ZYX: variants seen among roughly 807,000 people sequenced by gnomAD.
ZYX encodes zyxin-2.
Under a neutral mutation model 58.1 loss-of-function variants are expected in ZYX, and 37 were observed. The observed-to-expected ratio is 0.64, with a 90% confidence interval of 0.49 to 0.84. The LOEUF (loss-of-function observed/expected upper bound fraction) is 0.84. Ranked by LOEUF, ZYX falls within the 40% of genes least tolerant of loss-of-function variation. The pLI, the probability that ZYX is intolerant of heterozygous loss-of-function variation, is 0.00. For missense variants in ZYX, 762 were observed against 761.6 expected, an observed-to-expected ratio of 1.00 and a Z score of -0.01; for synonymous variants, 324 against 321.1, an observed-to-expected ratio of 1.01 and a Z score of -0.10.
In ZYX at chr7:143,389,996, C is replaced by T. The variant is rs777291085; in HGVS notation, c.1614+19C>T. ...GTGTGAGGTCAGCCATCCCTCTGGA[C>T]TCCTTGGGCAGGTTCTGACCAGGAG... is the stretch of plus-strand genomic sequence containing the variant. On this transcript the variant is annotated intron_variant, in intron 9 of 9. Transcript: ENST00000322764. This position sits in a 1 kb window ranked among gnomAD's most constrained non-coding sequence, Gnocchi z 5.6. The T allele has an allele frequency of 5.0e-6, 8 of 1,613,368 alleles. No individual in the cohort carries two copies. The African/African-American group carries it at 8.0e-5, about 16-fold the overall frequency.
Position 143,389,028 on chromosome 7 carries a change from GC to G in ZYX, c.1493+87del. 2.7e-6 allele frequency: 4 copies of G among 1,473,530 alleles called. No individual in the cohort carries two copies. The highest frequency in any genetic ancestry group is 2.7e-6 in the Non-Finnish European group (3 of 1,096,256). The allele number at this position is 1,473,530 out of a possible 1,614,324, so 91.3% of individuals were successfully genotyped here. On this transcript the variant is annotated intron_variant, in intron 8 of 9. Coordinates refer to ENST00000322764, the MANE Select transcript of ZYX (RefSeq NM_003461.5). This position sits in a 1 kb window ranked among gnomAD's most constrained non-coding sequence, Gnocchi z 5.6. ...TGCTTGCTACCCTAGCCTCAGGACA[GC>G]CCCAAACCCCTGGTGGTGTTTTCTG...
rs766296316 is a variant in ZYX, at chr7:143,388,918, G to A, written c.1466G>A (p.Arg489Gln). 39 of 1,611,872 alleles carry A rather than the reference G, an allele frequency of 2.4e-5. No homozygotes were observed. The highest frequency in any genetic ancestry group is 3.1e-5 in the Non-Finnish European group (36 of 1,179,566). Residue 489 changes from arginine to glutamine, a missense_variant, in exon 8 of 10, where the codon CGG (arginine) becomes CAG (glutamine). Transcript: ENST00000322764. This position sits in a 1 kb window ranked among gnomAD's most constrained non-coding sequence, Gnocchi z 7.5. Reference sequence around the variant, plus strand: ...TCCTTCATCGTGGACCAGGCCAACCGGCCCCACTGTGTCCCCGACTACCAC... The same window carrying A: ...TCCTTCATCGTGGACCAGGCCAACCAGCCCCACTGTGTCCCCGACTACCAC... ...GTSFIVDQAN[R>Q]PHCVPDYHKQ... is the part of the protein sequence containing the mutation.
rs1804991876 is a variant in ZYX, at chr7:143,389,468, A to G, written c.1494-389A>G. 6.6e-6 allele frequency among the ~76,000 whole-genome samples: 1 copy of G among 152,160 alleles called. No individual in the cohort carries two copies. The highest frequency in any genetic ancestry group is 2.1e-4 in the South Asian group (1 of 4,832). On this transcript the variant is annotated intron_variant, in intron 8 of 9. Transcript: ENST00000322764. This position sits in a 1 kb window ranked among gnomAD's most constrained non-coding sequence, Gnocchi z 5.6. ...TTCACATCCCTCCACAGTGCCAGAC[A>G]GTCAGGGCAGAGGCAACGTGCATGG...
Position 143,390,961 on chromosome 7 carries a change from C to T in ZYX, c.*279C>T, listed in dbSNP as rs1479144387. On this transcript the variant is annotated 3_prime_UTR_variant, in exon 10 of 10. Coordinates refer to ENST00000322764, the MANE Select transcript of ZYX (RefSeq NM_003461.5). This position sits in a 1 kb window ranked among gnomAD's most constrained non-coding sequence, Gnocchi z 4.3. Reference sequence around the variant, plus strand: ...ACCAGGTTTAGTGCTGCTGCTTTCACTGCTGCACCCGCGCCCTCGGCCGGC... The same window carrying T: ...ACCAGGTTTAGTGCTGCTGCTTTCATTGCTGCACCCGCGCCCTCGGCCGGC... 4 of 459,634 alleles carry T rather than the reference C, an allele frequency of 8.7e-6. No homozygotes were observed. The highest frequency in any genetic ancestry group is 1.6e-5 in the Non-Finnish European group (4 of 252,034). 28.5% of individuals were successfully genotyped at this position (459,634 alleles called of 1,614,324 possible). A position where few individuals can be genotyped will look rare whatever the true frequency, so the allele number is the denominator to read the frequency against.
Position 143,388,980 on chromosome 7 carries a change from C to T in ZYX, c.1493+35C>T, listed in dbSNP as rs531108920. 107 of 1,583,224 alleles carry T rather than the reference C, an allele frequency of 6.8e-5. 1 individual carries two copies. The South Asian group carries it at 1.1e-3, about 17-fold the overall frequency. On this transcript the variant is annotated intron_variant, in intron 8 of 9. Coordinates refer to ENST00000322764, the MANE Select transcript of ZYX (RefSeq NM_003461.5). This position sits in a 1 kb window ranked among gnomAD's most constrained non-coding sequence, Gnocchi z 7.5. ...TGCCACCTGCCTTCTGGGTTCCCGGCGTGCTTGGTCTGGTAGCCCGGCTGC... is the reference window on the plus strand; with the variant it reads ...TGCCACCTGCCTTCTGGGTTCCCGGTGTGCTTGGTCTGGTAGCCCGGCTGC...
chr7:143,381,853 A>G (rs1586560210), intron 2 of ZYX, 74 bp downstream of exon 2: 1 of 1,382,650 alleles, frequency 7.2e-7, no homozygotes, highest in African/African-American at 1.5e-5. Context: ...GAATTTGGGG[A>G]TGTCTGGAAA....
rs781638797 is a variant in ZYX at position 143,382,683 on chromosome 7, C to T, written c.499C>T (p.Arg167Trp). The T allele has an allele frequency of 4.3e-6, 7 of 1,613,944 alleles. No homozygotes were observed. The highest frequency in any genetic ancestry group is 3.3e-5 in the Admixed American group (2 of 59,988). The change falls in exon 4 of 10, where the codon CGG becomes TGG. Residue 167 changes from arginine to tryptophan, a missense_variant and splice_region_variant. By Grantham distance (101) the Arg-to-Trp change is moderately radical. Coordinates refer to ENST00000322764, the MANE Select transcript of ZYX (RefSeq NM_003461.5). ...DMTKNDPFKARVSSGYVPPPV... is the reference protein window; with the variant it reads ...DMTKNDPFKAWVSSGYVPPPV... ...GACCAAGAATGATCCTTTCAAAGCCCGGGTAAGGGACCGGAGAGTAGGAAA... is the reference window on the plus strand; with the variant it reads ...GACCAAGAATGATCCTTTCAAAGCCTGGGTAAGGGACCGGAGAGTAGGAAA...
rs150693208 is a variant in ZYX, at chr7:143,389,962, G to A, written c.1599G>A (p.Lys533=). The A allele has an allele frequency of 7.9e-5, 128 of 1,613,996 alleles. No individual in the cohort carries two copies. Among genetic ancestry groups the A allele is most frequent in the Middle Eastern group, 1.6e-4 (1 of 6,084 alleles). Residue 533 remains lysine, a synonymous_variant, in exon 9 of 10, where the codon AAG becomes AAA. Coordinates refer to ENST00000322764, the MANE Select transcript of ZYX (RefSeq NM_003461.5). This position sits in a 1 kb window ranked among gnomAD's most constrained non-coding sequence, Gnocchi z 5.6. The part of the protein sequence containing the change: ...VVALDKNFHM[K]CYKCEDCGKP... ...CCCTGGACAAGAACTTCCACATGAA[G>A]TGTTACAAGTGTGAGGTCAGCCATC...
chr7:143,389,713 T>C lies in ZYX; in HGVS notation c.1494-144T>C. 1.7e-6 allele frequency: 2 copies of C among 1,203,558 alleles called. No individual in the cohort carries two copies. The highest frequency in any genetic ancestry group is 2.3e-6 in the Non-Finnish European group (2 of 871,720). 74.6% of individuals were successfully genotyped at this position (1,203,558 alleles called of 1,614,324 possible). A position where few individuals can be genotyped will look rare whatever the true frequency, so the allele number is the denominator to read the frequency against. ...ATGAGGGCCAGTCATGGTGTCTCACTCTTAGGCCCTTCTGGTGAGCTTCCT... is the reference window on the plus strand; with the variant it reads ...ATGAGGGCCAGTCATGGTGTCTCACCCTTAGGCCCTTCTGGTGAGCTTCCT... On this transcript the variant is annotated intron_variant, in intron 8 of 9. Coordinates refer to ENST00000322764, the MANE Select transcript of ZYX (RefSeq NM_003461.5). The surrounding 1 kb of genome is among the most constrained non-coding windows in gnomAD (Gnocchi z 5.6).
chr7:143,387,630 CTGAG>C lies in ZYX; in HGVS notation c.1024-584_1024-581del. The C allele has an allele frequency of 2.2e-6, 1 of 459,316 alleles. No homozygotes were observed. The highest frequency in any genetic ancestry group is 4.5e-6 in the Non-Finnish European group (1 of 219,800). 28.5% of individuals were successfully genotyped at this position (459,316 alleles called of 1,614,324 possible). On this transcript the variant is annotated intron_variant, in intron 5 of 9. Transcript: ENST00000322764. This position sits in a 1 kb window ranked among gnomAD's most constrained non-coding sequence, Gnocchi z 5.8. ...TTCTCTGAGGCTGCTGGGGAGGGAC[CTGAG>C]TGAGGTAGTTCAGAGGCCCCTCACT...
At position 143,382,233 on chromosome 7, in the gene ZYX, T is replaced by A. The variant is rs770604984; in HGVS notation, c.209-15T>A. The stretch of plus-strand genomic sequence containing the variant: ...AGAGGGACCCCGGCCGACGTCTTTC[T>A]CCTTCCTACCCCAGACTTTCCCCTG... On this transcript the variant is annotated splice_polypyrimidine_tract_variant and intron_variant, in intron 2 of 9. Transcript: ENST00000322764. 4 of 1,610,358 alleles carry A rather than the reference T, an allele frequency of 2.5e-6. No homozygotes were observed. Among genetic ancestry groups the A allele is most frequent in the Non-Finnish European group, 3.4e-6 (4 of 1,178,232 alleles).
rs59995035 is a variant in ZYX, at chr7:143,385,660, CTTTTTT to C, written c.1023+2359_1023+2364del. ...TGTGTGAGCGTGTGGTGTGGTATAT[CTTTTTT>C]TTTTTTTTTTTTTTTTTTTTGGAGA... On this transcript the variant is annotated intron_variant, in intron 5 of 9. Transcript: ENST00000322764. Among the ~76,000 whole-genome samples the C allele has an allele frequency of 3.5e-3, 240 of 68,960 alleles. 1 individual carries two copies. Among genetic ancestry groups the C allele is most frequent in the African/African-American group, 0.012 (210 of 17,388 alleles). 45.2% of individuals were successfully genotyped at this position (68,960 alleles called of 152,430 possible).
intron 5 of ZYX, among the ~76,000 whole-genome samples, chr7:143,383,805 C>T (rs142989804): frequency 1.3e-3 from 195 of 152,308 alleles, no homozygotes; most frequent in African/African-American, 4.4e-3. Flanking sequence ...GCTCTGTGCC[C>T]AGGAGGGTAG....
At chr7:143,386,043 AGTGGTGTATGTGT>A (rs1038982556) in intron 5 of ZYX, among the ~76,000 whole-genome samples, 1 of 105,008 alleles carries the variant, frequency 9.5e-6, no homozygotes, top group African/African-American at 3.0e-5. Flanking sequence ...AGTGTATGTG[AGTGGTGTATGTGT>A]GTGGTCTGGT....
In ZYX at chr7:143,388,503, T is replaced by C; in HGVS notation, c.1159T>C (p.Cys387Arg). The change falls in exon 7 of 10, where the codon TGC becomes CGC. Residue 387 changes from cysteine to arginine, a missense_variant. Physicochemically the swap from Cys to Arg is radical, Grantham distance 180. Transcript: ENST00000322764. This position sits in a 1 kb window ranked among gnomAD's most constrained non-coding sequence, Gnocchi z 7.5. Reference sequence around the variant, plus strand: ...GGCCTTCCCAGAACTCTGCGGCCGATGCCATCAACCCCTGGCCCGGGCGCA... The same window carrying C: ...GGCCTTCCCAGAACTCTGCGGCCGACGCCATCAACCCCTGGCCCGGGCGCA... ...NVAVNELCGR[C>R]HQPLARAQPA... 6.2e-7 allele frequency: 1 copy of C among 1,610,206 alleles called. No homozygotes were observed. Among genetic ancestry groups the C allele is most frequent in the Non-Finnish European group, 8.5e-7 (1 of 1,179,628 alleles).
At chr7:143,382,561 T>A (rs778668616) in intron 3 of ZYX, 32 bp from the exon 4 acceptor site, 3 of 1,610,544 alleles carry the variant, frequency 1.9e-6, no homozygotes, top group Non-Finnish European at 2.5e-6. Context: ...GATAGAGGCA[T>A]GGAATAGGTG....
In ZYX at chr7:143,388,874, C is replaced by G; in HGVS notation, c.1422C>G (p.Ala474=). 1 of 1,613,888 alleles carries G rather than the reference C, an allele frequency of 6.2e-7. No individual in the cohort carries two copies. Among genetic ancestry groups the G allele is most frequent in the Non-Finnish European group, 8.5e-7 (1 of 1,179,986 alleles). ...HPHCFTCVVC[A]RPLEGTSFIV... ...ACTGCTTCACCTGTGTGGTCTGCGC[C>G]CGCCCCCTGGAGGGCACCTCCTTCA... The change falls in exon 8 of 10, where the codon GCC becomes GCG. Residue 474 remains alanine (A), a synonymous_variant. Coordinates refer to ENST00000322764, the MANE Select transcript of ZYX (RefSeq NM_003461.5). The surrounding 1 kb of genome is among the most constrained non-coding windows in gnomAD (Gnocchi z 7.5).
Position 143,390,572 on chromosome 7 carries a change from T to A in ZYX, c.1615-6T>A. The A allele has an allele frequency of 6.4e-7, 1 of 1,558,650 alleles. No homozygotes were observed. Among genetic ancestry groups the A allele is most frequent in the South Asian group, 1.2e-5 (1 of 84,566 alleles). ...TCCAGTGCCCCTCACCCTTCCTTCTTCCCAGGACTGCGGGAAGCCCCTGTC... is the reference window on the plus strand; with the variant it reads ...TCCAGTGCCCCTCACCCTTCCTTCTACCCAGGACTGCGGGAAGCCCCTGTC... On this transcript the variant is annotated splice_region_variant and splice_polypyrimidine_tract_variant and intron_variant, in intron 9 of 9. Coordinates refer to ENST00000322764, the MANE Select transcript of ZYX (RefSeq NM_003461.5). The surrounding 1 kb of genome is among the most constrained non-coding windows in gnomAD (Gnocchi z 4.3).
Position 143,390,562 on chromosome 7 carries a change from C to A in ZYX, c.1615-16C>A, listed in dbSNP as rs1187478654. 3 of 1,550,836 alleles carry A rather than the reference C, an allele frequency of 1.9e-6. No homozygotes were observed. In the South Asian group the frequency reaches 3.6e-5, roughly 18 times the overall value. The stretch of plus-strand genomic sequence containing the variant: ...GGCCTTCCGGTCCAGTGCCCCTCAC[C>A]CTTCCTTCTTCCCAGGACTGCGGGA... On this transcript the variant is annotated splice_polypyrimidine_tract_variant and intron_variant, in intron 9 of 9. Coordinates refer to ENST00000322764, the MANE Select transcript of ZYX (RefSeq NM_003461.5). The surrounding 1 kb of genome is among the most constrained non-coding windows in gnomAD (Gnocchi z 4.3).
Sources: allele counts gnomAD v4.1 joint callset (sites outside exome capture counted in the v4.1 genomes callset), GRCh38; gene constraint gnomAD v4.1.1; non-coding constraint Gnocchi (gnomAD v3.1); transcripts MANE v1.5; gene names NCBI Gene and HGNC (gene_info 2026-07-23, HGNC 2026-07-21).